The following LRRC4C variants were observed in gnomAD, a reference collection of about 807,000 sequenced individuals.
LRRC4C encodes leucine-rich repeat-containing protein 4C.
In LRRC4C, 5 loss-of-function variants were observed where a neutral mutation model predicts 33.6. The ratio of observed to expected loss-of-function variants is 0.15; its 90% CI spans 0.08 to 0.31. The LOEUF (loss-of-function observed/expected upper bound fraction) is 0.31. Ranked by LOEUF, LRRC4C falls within the 10% of genes least tolerant of loss-of-function variation. The probability of loss-of-function intolerance (pLI) is 1.00; values close to 1 mark genes in which losing one functional copy is unlikely to be tolerated. For missense variants in LRRC4C, 560 were observed against 796.7 expected, an observed-to-expected ratio of 0.70 and a Z score of 3.58; for synonymous variants, 329 against 302.0, an observed-to-expected ratio of 1.09 and a Z score of -0.93.
chr11:40,857,028 A>G lies in LRRC4C; in HGVS notation c.-407+76607T>C, dbSNP rs143376503. Among the ~76,000 whole-genome samples the G allele has an allele frequency of 8.5e-4, 130 of 152,348 alleles. 1 individual carries two copies. Among genetic ancestry groups the G allele is most frequent in the Admixed American group, 1.1e-3 (17 of 15,304 alleles). ...ACTGTTCATTTTATAGATGAGGCCT[A>G]AAGACATAGGTTGGAAAAGTGATTC... On this transcript the variant is annotated intron_variant, in intron 2 of 6. Coordinates refer to ENST00000528697, the MANE Select transcript of LRRC4C (RefSeq NM_001258419.2).
chr11:41,127,212 G>A (rs1373691375), intron 1 of LRRC4C, among the ~76,000 whole-genome samples: 1 of 150,732 alleles, frequency 6.6e-6, no homozygotes, highest in East Asian at 1.9e-4. Flanking sequence ...TGCCAGGCCA[G>A]CAAAGCTCAT....
chr11:40,760,450 C>A (rs1949153914), intron 2 of LRRC4C, among the ~76,000 whole-genome samples: 1 of 151,160 alleles, frequency 6.6e-6, no homozygotes, highest in African/African-American at 2.4e-5. Flanking sequence ...CTGCAAAATC[C>A]TAAACTACTC....
chr11:40,176,623 C>G (rs1030958281), intron 5 of LRRC4C, among the ~76,000 whole-genome samples: 1 of 151,006 alleles, frequency 6.6e-6, no homozygotes, highest in Non-Finnish European at 1.5e-5. Flanking sequence ...TCGTTGCAGA[C>G]TTGAAGTCCT....
intron 3 of LRRC4C, among the ~76,000 whole-genome samples, chr11:40,387,225 A>G (rs1016290317): frequency 6.6e-6 from 1 of 152,160 alleles, no homozygotes; most frequent in Non-Finnish European, 1.5e-5. Context: ...TTAGAATACA[A>G]CCATTAATAT....
chr11:40,243,635 TTTG>T (rs1866091123), intron 4 of LRRC4C, among the ~76,000 whole-genome samples: 3 of 151,852 alleles, frequency 2.0e-5, no homozygotes, highest in Admixed American at 2.0e-4. Flanking sequence ...TTTATATAAT[TTTG>T]TTATTATTTT....
At chr11:40,748,722 C>T (rs576154732) in intron 2 of LRRC4C, among the ~76,000 whole-genome samples, 70 of 152,148 alleles carry the variant, frequency 4.6e-4, no homozygotes, top group African/African-American at 1.7e-3. Flanking sequence ...TAACTATATG[C>T]TGCCTACTAG....
chr11:41,442,949 C>T (rs1955686480), intron 1 of LRRC4C, among the ~76,000 whole-genome samples: 1 of 152,014 alleles, frequency 6.6e-6, no homozygotes, highest in South Asian at 2.1e-4. Flanking sequence ...ATGTATGATT[C>T]TCATTTAACA....
chr11:41,230,292 C>A (rs1015829408), intron 1 of LRRC4C, among the ~76,000 whole-genome samples: 1 of 152,044 alleles, frequency 6.6e-6, no homozygotes, highest in African/African-American at 2.4e-5. Context: ...TAGAAGAGAA[C>A]TCATGATTTT....
At chr11:41,271,819 A>T (rs1484925863) in intron 1 of LRRC4C, among the ~76,000 whole-genome samples, 1 of 152,148 alleles carries the variant, frequency 6.6e-6, no homozygotes, top group African/African-American at 2.4e-5. Flanking sequence ...AAAGCATAGC[A>T]TCATCATGTC....
intron 5 of LRRC4C, among the ~76,000 whole-genome samples, chr11:40,176,966 C>T (rs1860551477): frequency 8.2e-6 from 1 of 122,574 alleles, no homozygotes; most frequent in African/African-American, 3.2e-5. Context: ...TGGAGTCTCG[C>T]TCTGTCGCCC....
chr11:41,370,249 T>G (rs776857740), intron 1 of LRRC4C, among the ~76,000 whole-genome samples: 4 of 152,088 alleles, frequency 2.6e-5, no homozygotes, highest in Non-Finnish European at 4.4e-5. Flanking sequence ...AGTGGAACAA[T>G]CACAGCTCAC....
At chr11:41,192,782 G>A (rs1946016935) in intron 1 of LRRC4C, among the ~76,000 whole-genome samples, 1 of 151,958 alleles carries the variant, frequency 6.6e-6, no homozygotes, top group Admixed American at 6.6e-5. Flanking sequence ...CTAAAGCTGG[G>A]GAATTTATGG....
At chr11:41,144,167 G>A (rs1218226496) in intron 1 of LRRC4C, among the ~76,000 whole-genome samples, 1 of 152,146 alleles carries the variant, frequency 6.6e-6, no homozygotes, top group East Asian at 1.9e-4. Flanking sequence ...ATAAACCAGG[G>A]CAGCTCAAGA....
intron 3 of LRRC4C, among the ~76,000 whole-genome samples, chr11:40,510,411 C>A (rs993318278): frequency 2.0e-5 from 3 of 151,834 alleles, no homozygotes; most frequent in Non-Finnish European, 4.4e-5. Context: ...CATGTGCATA[C>A]ACCATAAATA....
chr11:41,325,991 G>C (rs1050991904), intron 1 of LRRC4C, among the ~76,000 whole-genome samples: 3 of 152,076 alleles, frequency 2.0e-5, no homozygotes, highest in African/African-American at 4.8e-5. Context: ...AACTGTGATG[G>C]TTAATATGGA....
intron 3 of LRRC4C, among the ~76,000 whole-genome samples, chr11:40,332,165 G>T (rs1203577290): frequency 1.3e-5 from 2 of 152,142 alleles, no homozygotes; most frequent in Non-Finnish European, 2.9e-5. Flanking sequence ...TAAAACAGCA[G>T]CAATTTATTC....
At chr11:40,958,772 G>A (rs2136833669) in intron 1 of LRRC4C, among the ~76,000 whole-genome samples, 1 of 151,744 alleles carries the variant, frequency 6.6e-6, no homozygotes, top group East Asian at 1.9e-4. Flanking sequence ...TTGCTTTATA[G>A]AATAGTTTGC....
intron 1 of LRRC4C, among the ~76,000 whole-genome samples, chr11:40,987,316 G>A (rs1427761410): frequency 6.6e-6 from 1 of 152,232 alleles, no homozygotes; most frequent in East Asian, 1.9e-4. Flanking sequence ...AAACACCTGT[G>A]AAGCAGCTGT....
intron 2 of LRRC4C, among the ~76,000 whole-genome samples, chr11:40,900,160 T>A (rs556749553): frequency 6.6e-6 from 1 of 152,294 alleles, no homozygotes; most frequent in South Asian, 2.1e-4. Context: ...AAATTTAAGA[T>A]CCATATTGAC....
Sources: allele counts gnomAD v4.1 joint callset (sites outside exome capture counted in the v4.1 genomes callset), GRCh38; gene constraint gnomAD v4.1.1; transcripts MANE v1.5; gene names NCBI Gene and HGNC (gene_info 2026-07-23, HGNC 2026-07-21).